Variants in PPM1A observed in about 807,000 individuals in gnomAD.
PPM1A encodes the protein protein phosphatase 1A.
In PPM1A, 7 loss-of-function variants were observed where a neutral mutation model predicts 35.0. The ratio of observed to expected loss-of-function variants is 0.20; its 90% CI spans 0.11 to 0.38. The LOEUF (loss-of-function observed/expected upper bound fraction) is 0.38. Ranked by LOEUF, PPM1A falls within the 10% of genes least tolerant of loss-of-function variation. The pLI is 1.00. For synonymous variants in PPM1A, 153 were observed against 167.3 expected (o/e 0.91, Z 0.66); for missense variants, 239 against 467.8 (o/e 0.51, Z 4.51).
Position 60,249,761 on chromosome 14 carries a change from T to A in PPM1A, c.-21+84T>A. 1.1e-6 allele frequency: 1 copy of A among 878,846 alleles called. No individual in the cohort carries two copies. The highest frequency in any genetic ancestry group is 1.8e-5 in the African/African-American group (1 of 54,842). The allele number at this position is 878,846 out of a possible 1,614,324, so 54.4% of individuals were successfully genotyped here. A position where few individuals can be genotyped will look rare whatever the true frequency, so the allele number is the denominator to read the frequency against. ...CGGCGGCGGGCAGGCCTGGGGCCTG[T>A]AAACAAGCCGGGCGTCTGCCCGGGC... On this transcript the variant is annotated intron_variant, in intron 1 of 5. Coordinates refer to ENST00000395076, the MANE Select transcript of PPM1A (RefSeq NM_021003.5). This position sits in a 1 kb window ranked among gnomAD's most constrained non-coding sequence, Gnocchi z 4.5.
chr14:60,294,994 C>T lies in PPM1A; in HGVS notation c.*2512C>T, dbSNP rs1887944412. On this transcript the variant is annotated 3_prime_UTR_variant, in exon 6 of 6. Coordinates refer to ENST00000395076, the MANE Select transcript of PPM1A (RefSeq NM_021003.5). ...ACTTTTTAAAGGCACTTTTGCACCT[C>T]TATTGTGCACTTCATTCTTGTACCA... 6.6e-6 allele frequency: 1 copy of T among 151,742 alleles called. No homozygotes were observed. The highest frequency in any genetic ancestry group is 1.5e-5 in the Non-Finnish European group (1 of 67,778). The allele number at this position is 151,742 out of a possible 1,614,324, so 9.4% of individuals were successfully genotyped here. A position where few individuals can be genotyped will look rare whatever the true frequency, so the allele number is the denominator to read the frequency against.
intron 1 of PPM1A, among the ~76,000 whole-genome samples, chr14:60,264,025 A>AT (rs1884093799): frequency 6.6e-6 from 1 of 151,364 alleles, no homozygotes; most frequent in Admixed American, 6.6e-5. Context: ...ATTAGCCAGT[A>AT]TTTTTACCAG....
chr14:60,249,881 G>A lies in PPM1A; in HGVS notation c.-21+204G>A, dbSNP rs930680975. On this transcript the variant is annotated intron_variant, in intron 1 of 5. Coordinates refer to ENST00000395076, the MANE Select transcript of PPM1A (RefSeq NM_021003.5). The surrounding 1 kb of genome is among the most constrained non-coding windows in gnomAD (Gnocchi z 4.5). ...CGAGGGGTTAACGCTCGGCGAGGGC[G>A]GTGGCGGGGAGGCGGGGGCGGGGTG... Among the ~76,000 whole-genome samples, 15 of 151,240 alleles carry A rather than the reference G, an allele frequency of 9.9e-5. No homozygotes were observed. Among genetic ancestry groups the A allele is most frequent in the Non-Finnish European group, 1.9e-4 (13 of 67,814 alleles).
rs1443520246 is a variant in PPM1A, at chr14:60,297,173, G to C, written c.*4691G>C. ...CAATTCCATTTTCTTGAGCAAGAAA[G>C]CTTAGTGTGTTACTTCATCAAGGCC... On this transcript the variant is annotated 3_prime_UTR_variant, in exon 6 of 6. Transcript: ENST00000395076. 1 of 151,332 alleles carries C rather than the reference G, an allele frequency of 6.6e-6. No homozygotes were observed. The highest frequency in any genetic ancestry group is 2.1e-4 in the South Asian group (1 of 4,812). 9.4% of individuals were successfully genotyped at this position (151,332 alleles called of 1,614,324 possible).
rs935204013 is a variant in PPM1A, at chr14:60,296,032, CAG to C, written c.*3553_*3554del. 1 of 151,566 alleles carries C rather than the reference CAG, an allele frequency of 6.6e-6. No homozygotes were observed. The highest frequency in any genetic ancestry group is 2.4e-5 in the African/African-American group (1 of 41,356). 9.4% of individuals were successfully genotyped at this position (151,566 alleles called of 1,614,324 possible). On this transcript the variant is annotated 3_prime_UTR_variant, in exon 6 of 6. Coordinates refer to ENST00000395076, the MANE Select transcript of PPM1A (RefSeq NM_021003.5). The surrounding 1 kb of genome is among the most constrained non-coding windows in gnomAD (Gnocchi z 4.4). ...ATTCTTCCTGCTGACAGCAGTAACTCAGAGGAATAGGTAGTAGATTTCTGAAA... is the reference window on the plus strand; with the variant it reads ...ATTCTTCCTGCTGACAGCAGTAACTCAGGAATAGGTAGTAGATTTCTGAAA...
rs1164940490 is a variant in PPM1A at position 60,283,909 on chromosome 14, C to T, written c.834+372C>T. Among the ~76,000 whole-genome samples, 1 of 152,160 alleles carries T rather than the reference C, an allele frequency of 6.6e-6. No homozygotes were observed. The highest frequency in any genetic ancestry group is 1.5e-5 in the Non-Finnish European group (1 of 68,026). On this transcript the variant is annotated intron_variant, in intron 2 of 5. Transcript: ENST00000395076. The surrounding 1 kb of genome is among the most constrained non-coding windows in gnomAD (Gnocchi z 6.3). ...GTTTTAATATTTGACCATGTGATAT[C>T]TCAGTACATTTATGATATCCTAATC...
In PPM1A at chr14:60,295,044, T is replaced by C. The variant is rs1323755774; in HGVS notation, c.*2562T>C. On this transcript the variant is annotated 3_prime_UTR_variant, in exon 6 of 6. Coordinates refer to ENST00000395076, the MANE Select transcript of PPM1A (RefSeq NM_021003.5). Reference sequence around the variant, plus strand: ...ACTTAAATTCTTCACCCCCATCCCCTTTTTTTGTGCTAATTAGCATCTCAG... The same window carrying C: ...ACTTAAATTCTTCACCCCCATCCCCCTTTTTTGTGCTAATTAGCATCTCAG... The C allele has an allele frequency of 6.6e-6, 1 of 151,700 alleles. No individual in the cohort carries two copies. Among genetic ancestry groups the C allele is most frequent in the Non-Finnish European group, 1.5e-5 (1 of 67,740 alleles). 9.4% of individuals were successfully genotyped at this position (151,700 alleles called of 1,614,324 possible).
intron 1 of PPM1A, among the ~76,000 whole-genome samples, chr14:60,272,690 CAAAAAA>C (rs34892158): frequency 2.9e-5 from 2 of 68,598 alleles, no homozygotes; most frequent in African/African-American, 1.1e-4. Context: ...GACTCTGTCT[CAAAAAA>C]AAAAAAAAAA....
rs146887656 is a variant in PPM1A at position 60,285,156 on chromosome 14, A to G, written c.835-468A>G. Among the ~76,000 whole-genome samples the G allele has an allele frequency of 1.1e-3, 160 of 152,284 alleles. 1 individual carries two copies. Among genetic ancestry groups the G allele is most frequent in the African/African-American group, 3.8e-3 (158 of 41,560 alleles). On this transcript the variant is annotated intron_variant, in intron 2 of 5. Transcript: ENST00000395076. ...ATGAAGCGAATGTATTAGCCCCACA[A>G]TTTATAATTTATTTTAAAGGTAATT...
At chr14:60,250,050 G>C (rs571169630) in intron 1 of PPM1A, among the ~76,000 whole-genome samples, 1 of 151,448 alleles carries the variant, frequency 6.6e-6, no homozygotes, top group Admixed American at 6.6e-5. Context: ...CGGGGAGGGG[G>C]CGTCCCCGCG....
chr14:60,254,003 G>T lies in PPM1A; in HGVS notation c.-21+4326G>T, dbSNP rs185618115. ...TCAAGTGGAAATACTTTTGTCGTAA[G>T]GTTATCTTGAAGATTTAATGAAATA... On this transcript the variant is annotated intron_variant, in intron 1 of 5. Coordinates refer to ENST00000395076, the MANE Select transcript of PPM1A (RefSeq NM_021003.5). Among the ~76,000 whole-genome samples the T allele has an allele frequency of 7.9e-5, 12 of 152,220 alleles. No individual in the cohort carries two copies. In the East Asian group the frequency reaches 2.3e-3, roughly 29 times the overall value.
At chr14:60,277,732 C>A (rs1458951038) in intron 1 of PPM1A, among the ~76,000 whole-genome samples, 1 of 152,078 alleles carries the variant, frequency 6.6e-6, no homozygotes, top group Non-Finnish European at 1.5e-5. Context: ...TTAAACAGTG[C>A]CTGTTTGCTG....
rs1887429698 is a variant in PPM1A at position 60,289,736 on chromosome 14, A to G, written c.953-70A>G. ...AATGCCATCTTTAAAAAGCTAGGTT[A>G]TCTTTGTTTCGGTTTTCTTTTCAAT... On this transcript the variant is annotated intron_variant, in intron 3 of 5. Transcript: ENST00000395076. The surrounding 1 kb of genome is among the most constrained non-coding windows in gnomAD (Gnocchi z 4.1). 1 of 993,776 alleles carries G rather than the reference A, an allele frequency of 1.0e-6. No individual in the cohort carries two copies. Among genetic ancestry groups the G allele is most frequent in the Non-Finnish European group, 1.6e-6 (1 of 643,618 alleles). The allele number at this position is 993,776 out of a possible 1,614,324, so 61.6% of individuals were successfully genotyped here.
In PPM1A at chr14:60,283,027, T is replaced by C; in HGVS notation, c.324T>C (p.Ile108=). ...GAATCAGAACAGGTTTTCTGGAGAT[T>C]GATGAACACATGAGAGTTATGTCAG... ...KNGIRTGFLE[I]DEHMRVMSEK... is the part of the protein sequence containing the mutation. Residue 108 remains isoleucine, a synonymous_variant, in exon 2 of 6, where the codon ATT becomes ATC. Transcript: ENST00000395076. This position sits in a 1 kb window ranked among gnomAD's most constrained non-coding sequence, Gnocchi z 6.3. 1 of 1,614,234 alleles carries C rather than the reference T, an allele frequency of 6.2e-7. No homozygotes were observed. Among genetic ancestry groups the C allele is most frequent in the East Asian group, 2.2e-5 (1 of 44,888 alleles).
intron 1 of PPM1A, among the ~76,000 whole-genome samples, chr14:60,255,513 T>C (rs1190060253): frequency 1.3e-5 from 2 of 152,232 alleles, no homozygotes; most frequent in Non-Finnish European, 2.9e-5. Context: ...TAAATTATAA[T>C]TGCATTCAGT....
upstream of PPM1A, among the ~76,000 whole-genome samples, chr14:60,246,984 T>C (rs750224427): frequency 9.9e-5 from 15 of 152,206 alleles, no homozygotes; most frequent in Non-Finnish European, 4.4e-5. Context: ...AGCAGAAAGA[T>C]AGGCAGGCAT....
rs1887773136 is a variant in PPM1A, at chr14:60,292,796, T to G, written c.*314T>G. On this transcript the variant is annotated 3_prime_UTR_variant, in exon 6 of 6. Transcript: ENST00000395076. This position sits in a 1 kb window ranked among gnomAD's most constrained non-coding sequence, Gnocchi z 4.2. ...TTGTCCTTGTACAAAATGCTCATAT[T>G]TAATTATGAACTGCTTTAAATCACT... The G allele has an allele frequency of 4.1e-6, 1 of 245,642 alleles. No individual in the cohort carries two copies. Among genetic ancestry groups the G allele is most frequent in the Non-Finnish European group, 7.8e-6 (1 of 128,164 alleles). 15.2% of individuals were successfully genotyped at this position (245,642 alleles called of 1,614,324 possible). A position where few individuals can be genotyped will look rare whatever the true frequency, so the allele number is the denominator to read the frequency against.
intron 1 of PPM1A, among the ~76,000 whole-genome samples, chr14:60,258,978 A>G (rs1883446610): frequency 6.6e-6 from 1 of 152,110 alleles, no homozygotes; most frequent in Non-Finnish European, 1.5e-5. Context: ...GGAACTAAGA[A>G]GTGGCAGTAG....
At chr14:60,268,348 A>G (rs1290171112) in intron 1 of PPM1A, 2 of 978,400 alleles carry the variant, frequency 2.0e-6, no homozygotes, top group African/African-American at 3.5e-5. Flanking sequence ...TTTTCCGAGA[A>G]CTGTTACTTT....
Sources: allele counts gnomAD v4.1 joint callset (sites outside exome capture counted in the v4.1 genomes callset), GRCh38; gene constraint gnomAD v4.1.1; non-coding constraint Gnocchi (gnomAD v3.1); transcripts MANE v1.5; gene names NCBI Gene and HGNC (gene_info 2026-07-23, HGNC 2026-07-21).